Variants in ICA1L observed in about 807,000 individuals in gnomAD.
The protein encoded by ICA1L is islet cell autoantigen 1 like.
Under a neutral mutation model 61.3 loss-of-function variants are expected in ICA1L, and 50 were observed. That is an observed-to-expected ratio of 0.82 (90% CI 0.65 to 1.03). The LOEUF (loss-of-function observed/expected upper bound fraction) is 1.03, where lower values mean the gene tolerates loss of function less well. ICA1L is among the 50% of genes least tolerant of loss of function. The probability of loss-of-function intolerance (pLI) is 0.00; values close to 1 mark genes in which losing one functional copy is unlikely to be tolerated. For missense variants in ICA1L, 508 were observed against 556.7 expected, an observed-to-expected ratio of 0.91 and a Z score of 0.88; for synonymous variants, 161 against 191.3, an observed-to-expected ratio of 0.84 and a Z score of 1.31.
chr2:202,836,026 T>G (rs1694138532), intron 1 of ICA1L, among the ~76,000 whole-genome samples: 1 of 152,204 alleles, frequency 6.6e-6, no homozygotes. Flanking sequence ...TCTTGCCTAA[T>G]TATTCTAGCT....
Position 202,773,978 on chromosome 2 carries a change from A to C in ICA1L, c.*5555T>G, listed in dbSNP as rs1203590679. 1.5e-5 allele frequency: 14 copies of C among 953,494 alleles called. No homozygotes were observed. The highest frequency in any genetic ancestry group is 2.2e-5 in the Non-Finnish European group (14 of 625,160). The allele number at this position is 953,494 out of a possible 1,614,324, so 59.1% of individuals were successfully genotyped here. On this transcript the variant is annotated 3_prime_UTR_variant, in exon 13 of 13. Coordinates refer to ENST00000358299, the MANE Select transcript of ICA1L (RefSeq NM_001288622.3). Reference sequence around the variant, plus strand: ...TACTTGCCACTGTGTTTTAAAAGGTATATGGTACTAAGAAGAGTTGGCTGT... The same window carrying C: ...TACTTGCCACTGTGTTTTAAAAGGTCTATGGTACTAAGAAGAGTTGGCTGT...
chr2:202,811,266 A>C (rs1035221834), intron 9 of ICA1L, among the ~76,000 whole-genome samples: 4 of 152,098 alleles, frequency 2.6e-5, no homozygotes, highest in African/African-American at 9.7e-5. Flanking sequence ...ACCAGCCGAC[A>C]CTTGGGGAAA....
intron 10 of ICA1L, 29 bp from the exon 11 acceptor site, chr2:202,789,116 C>CT: frequency 6.4e-7 from 1 of 1,569,092 alleles, no homozygotes; most frequent in Non-Finnish European, 8.6e-7. Flanking sequence ...AACAGAAAGG[C>CT]TTTTTTGATT....
intron 6 of ICA1L, among the ~76,000 whole-genome samples, chr2:202,816,774 AT>A (rs530279127): frequency 2.6e-5 from 4 of 152,122 alleles, no homozygotes; most frequent in Non-Finnish European, 5.9e-5. Context: ...AGTTTATTCA[AT>A]TTTTTCCATT....
In ICA1L at chr2:202,849,165, G is replaced by A. The variant is rs1425371978; in HGVS notation, c.-7-20149C>T. On this transcript the variant is annotated intron_variant, in intron 1 of 12. Coordinates refer to ENST00000358299, the MANE Select transcript of ICA1L (RefSeq NM_001288622.3). The surrounding 1 kb of genome is among the most constrained non-coding windows in gnomAD (Gnocchi z 4.5). ...TTCCCACATGTGCCTATACCACCAG[G>A]GCCCTGGGTTTCAAGCACAAAACCG... Among the ~76,000 whole-genome samples, 1 of 152,176 alleles carries A rather than the reference G, an allele frequency of 6.6e-6. No homozygotes were observed. The highest frequency in any genetic ancestry group is 6.5e-5 in the Admixed American group (1 of 15,270).
Position 202,825,696 on chromosome 2 carries a change from A to G in ICA1L, c.234T>C (p.Asn78=), listed in dbSNP as rs1693824684. ...AGATAGATAACTATGATTTCATACC[A>G]TTGAGTCTTAGCTGGTATTTCTCGA... ...KIIEKYQLRL[N]VISEEENELG... is the part of the protein sequence containing the mutation. Residue 78 remains asparagine (N), a splice_region_variant and synonymous_variant, in exon 3 of 13, where the codon AAT becomes AAC. Coordinates refer to ENST00000358299, the MANE Select transcript of ICA1L (RefSeq NM_001288622.3). 6.7e-7 allele frequency: 1 copy of G among 1,481,856 alleles called. No homozygotes were observed. The highest frequency in any genetic ancestry group is 9.4e-7 in the Non-Finnish European group (1 of 1,065,316). 91.8% of individuals were successfully genotyped at this position (1,481,856 alleles called of 1,614,324 possible).
intron 12 of ICA1L, among the ~76,000 whole-genome samples, chr2:202,783,606 TAA>T (rs1692481529): frequency 6.6e-6 from 1 of 152,202 alleles, no homozygotes; most frequent in African/African-American, 2.4e-5. Context: ...TGTTCCAGAT[TAA>T]AAGACTAAAG....
At position 202,841,227 on chromosome 2, in the gene ICA1L, T is replaced by C. The variant is rs181498757; in HGVS notation, c.-7-12211A>G. 2.5e-5 allele frequency: 18 copies of C among 712,536 alleles called. No individual in the cohort carries two copies. In the African/African-American group the frequency reaches 2.8e-4, roughly 11 times the overall value. 44.1% of individuals were successfully genotyped at this position (712,536 alleles called of 1,614,324 possible). A position where few individuals can be genotyped will look rare whatever the true frequency, so the allele number is the denominator to read the frequency against. On this transcript the variant is annotated intron_variant, in intron 1 of 12. Coordinates refer to ENST00000358299, the MANE Select transcript of ICA1L (RefSeq NM_001288622.3). ...AAATTCATTCTCCATCTCTGTACGT[T>C]TGTTGATCTCATCCTCATATTTGTT...
intron 11 of ICA1L, 30 bp downstream of exon 11, chr2:202,788,800 C>T (rs941720294): frequency 1.9e-6 from 3 of 1,612,120 alleles, no homozygotes; most frequent in Non-Finnish European, 2.5e-6. Flanking sequence ...AAGTAAAGCA[C>T]ATATGTCCAA....
intron 1 of ICA1L, among the ~76,000 whole-genome samples, chr2:202,865,825 C>T (rs969727586): frequency 1.3e-5 from 2 of 152,104 alleles, no homozygotes; most frequent in Non-Finnish European, 2.9e-5. Flanking sequence ...TGGAGTCTCC[C>T]TATGTTGCCC....
intron 1 of ICA1L, among the ~76,000 whole-genome samples, chr2:202,834,707 A>G (rs1694101317): frequency 6.6e-6 from 1 of 152,242 alleles, no homozygotes; most frequent in South Asian, 2.1e-4. Context: ...CTGCCATTTT[A>G]AAAACATCAT....
chr2:202,817,307 G>T, intron 6 of ICA1L, 111 bp downstream of exon 6: 1 of 1,023,790 alleles, frequency 9.8e-7, no homozygotes, highest in Non-Finnish European at 1.4e-6. Flanking sequence ...ATAAAGCAAA[G>T]TCAAAGGAAT....
intron 12 of ICA1L, among the ~76,000 whole-genome samples, chr2:202,780,760 GTTCTGT>G (rs1359414697): frequency 6.6e-6 from 1 of 152,138 alleles, no homozygotes; most frequent in Non-Finnish European, 1.5e-5. Context: ...TGTGTGTCCA[GTTCTGT>G]TTCTGAGTAC....
chr2:202,855,226 A>T (rs1694736115), intron 1 of ICA1L, among the ~76,000 whole-genome samples: 1 of 152,186 alleles, frequency 6.6e-6, no homozygotes, highest in African/African-American at 2.4e-5. Context: ...CCCTAACATC[A>T]CAATTAAAAG....
chr2:202,781,355 C>T (rs2105814363), intron 12 of ICA1L, among the ~76,000 whole-genome samples: 1 of 151,900 alleles, frequency 6.6e-6, no homozygotes, highest in South Asian at 2.1e-4. Context: ...TGCAGATCAC[C>T]TGAGGTCAGG....
At chr2:202,854,328 A>G (rs1408578160) in intron 1 of ICA1L, among the ~76,000 whole-genome samples, 2 of 152,220 alleles carry the variant, frequency 1.3e-5, no homozygotes, top group Non-Finnish European at 2.9e-5. Flanking sequence ...GATCAATGCA[A>G]CAAGAAGAGC....
chr2:202,789,189 T>A, intron 10 of ICA1L, 102 bp from the exon 11 acceptor site: 3 of 958,568 alleles, frequency 3.1e-6, no homozygotes, highest in Non-Finnish European at 3.1e-6. Context: ...CATACTGTAT[T>A]AACATAATTT....
rs903952834 is a variant in ICA1L at position 202,788,946 on chromosome 2, C to T, written c.1127G>A (p.Ser376Asn). ...AGGCTCCTGGGATGTGAGACTGGCACTGGGGCTCCCAAAGGCAGTCTGGCA... is the reference window on the plus strand; with the variant it reads ...AGGCTCCTGGGATGTGAGACTGGCATTGGGGCTCCCAAAGGCAGTCTGGCA... ...QECQTAFGSP[S>N]ASLTSQEPSM... is the part of the protein sequence containing the mutation. The change falls in exon 11 of 13, where the codon AGT (serine) becomes AAT (asparagine). Residue 376 changes from serine (S) to asparagine (N), a missense_variant. Ser to Asn is a conservative substitution (Grantham distance 46, BLOSUM62 1). Transcript: ENST00000358299. The T allele has an allele frequency of 3.3e-5, 54 of 1,614,032 alleles. No individual in the cohort carries two copies. Among genetic ancestry groups the T allele is most frequent in the Non-Finnish European group, 4.3e-5 (51 of 1,180,038 alleles).
chr2:202,795,219 G>A (rs550311672), intron 10 of ICA1L, among the ~76,000 whole-genome samples: 271 of 151,910 alleles, frequency 1.8e-3, no homozygotes, highest in African/African-American at 6.3e-3. Context: ...TCGAACTCCC[G>A]ACCTCAGGTG....
Sources: gnomAD v4.1 joint callset for allele counts (sites outside exome capture counted in the v4.1 genomes callset) on GRCh38, gnomAD v4.1.1 for gene constraint, Gnocchi (gnomAD v3.1) non-coding constraint, MANE v1.5 for transcripts, NCBI Gene and HGNC (gene_info 2026-07-23, HGNC 2026-07-21) for gene names.